The following INVS variants were observed in gnomAD, a reference collection of about 807,000 sequenced individuals.
INVS encodes the protein inversion of embryo turning homolog.
A neutral mutation model predicts 108.8 loss-of-function variants in INVS; 86 were observed. That is an observed-to-expected ratio of 0.79 (90% CI 0.66 to 0.95). INVS has a LOEUF of 0.95. Ranked by LOEUF, INVS falls within the 40% of genes least tolerant of loss-of-function variation. The probability of loss-of-function intolerance (pLI) is 0.00; values close to 1 mark genes in which losing one functional copy is unlikely to be tolerated. For missense variants in INVS, 1,169 were observed against 1,297.4 expected (o/e 0.90, Z 1.52); for synonymous variants, 455 against 473.5 (o/e 0.96, Z 0.51).
chr9:100,143,249 C>T (rs954687313), intron 3 of INVS, among the ~76,000 whole-genome samples: 11 of 152,054 alleles, frequency 7.2e-5, no homozygotes, highest in African/African-American at 1.9e-4. Flanking sequence ...TTTGGCACCA[C>T]GGGGTAGATA....
intron 3 of INVS, among the ~76,000 whole-genome samples, chr9:100,211,130 C>T (rs993274461): frequency 2.6e-5 from 4 of 151,828 alleles, no homozygotes; most frequent in African/African-American, 9.7e-5. Flanking sequence ...AGTTTGAGAA[C>T]TTCTTTTGCT....
chr9:100,187,975 G>A (rs1432350376), intron 3 of INVS, among the ~76,000 whole-genome samples: 1 of 152,164 alleles, frequency 6.6e-6, no homozygotes, highest in Non-Finnish European at 1.5e-5. Flanking sequence ...TTGATGCTCT[G>A]CATGGTCACT....
rs184039398 is a variant in INVS at position 100,120,538 on chromosome 9, T to G, written c.107-5845T>G. 6 of 159,642 alleles carry G rather than the reference T, an allele frequency of 3.8e-5. No individual in the cohort carries two copies. In the East Asian group the frequency reaches 9.6e-4, roughly 25 times the overall value. The allele number at this position is 159,642 out of a possible 1,614,324, so 9.9% of individuals were successfully genotyped here. A position where few individuals can be genotyped will look rare whatever the true frequency, so the allele number is the denominator to read the frequency against. On this transcript the variant is annotated intron_variant, in intron 2 of 16. Coordinates refer to ENST00000262457, the MANE Select transcript of INVS (RefSeq NM_014425.5). ...TCAATTCTTGATTCATTCTGAACCC[T>G]CTTAGGCCCAATATTTGTTAGCTTT...
chr9:100,289,793 C>T (rs1833556755), intron 13 of INVS, among the ~76,000 whole-genome samples: 1 of 152,186 alleles, frequency 6.6e-6, no homozygotes, highest in African/African-American at 2.4e-5. Context: ...TGGTTGCTTC[C>T]ATGTTTTGGC....
At chr9:100,195,494 T>TG (rs961289068) in intron 3 of INVS, among the ~76,000 whole-genome samples, 1 of 36,432 alleles carries the variant, frequency 2.7e-5, no homozygotes, top group African/African-American at 1.9e-4. Flanking sequence ...CATCAATTGA[T>TG]TTTTTTTTTT....
At chr9:100,100,918 GTATATATATAA>G (rs1826926953) in intron 1 of INVS, among the ~76,000 whole-genome samples, 2 of 13,164 alleles carry the variant, frequency 1.5e-4, no homozygotes, top group African/African-American at 1.4e-3. Context: ...TATATTATAT[GTATATATATAA>G]TATATATAAT....
Position 100,234,502 on chromosome 9 carries a change from A to G in INVS, c.615+4675A>G, listed in dbSNP as rs117207057. ...TTCCTACTTTGTCCTGTGGGCATTT[A>G]GTGCTGTAAATTTCCCTCTAACCAC... On this transcript the variant is annotated intron_variant, in intron 5 of 16. Coordinates refer to ENST00000262457, the MANE Select transcript of INVS (RefSeq NM_014425.5). Among the ~76,000 whole-genome samples the G allele has an allele frequency of 6.6e-5, 10 of 152,334 alleles. No individual in the cohort carries two copies. In the East Asian group the frequency reaches 1.9e-3, roughly 29 times the overall value.
chr9:100,101,232 T>C (rs1250162465), intron 1 of INVS: 1 of 150,610 alleles, frequency 6.6e-6, no homozygotes, highest in African/African-American at 2.5e-5. Context: ...TAGCACATAG[T>C]TGTCACTCAG....
chr9:100,162,783 T>C (rs1004939185), intron 3 of INVS, among the ~76,000 whole-genome samples: 14 of 151,330 alleles, frequency 9.3e-5, no homozygotes, highest in Admixed American at 5.9e-4. Context: ...GCCGAGATCA[T>C]GCCACTGCAC....
chr9:100,186,790 A>G (rs1218831690), intron 3 of INVS, among the ~76,000 whole-genome samples: 1 of 152,060 alleles, frequency 6.6e-6, no homozygotes, highest in Non-Finnish European at 1.5e-5. Flanking sequence ...GCTTAGAAAT[A>G]TGTTCTTCCA....
At chr9:100,279,470 C>T (rs1267419296) in intron 12 of INVS, among the ~76,000 whole-genome samples, 4 of 152,162 alleles carry the variant, frequency 2.6e-5, no homozygotes, top group Admixed American at 6.5e-5. Flanking sequence ...TGATCCCATT[C>T]GTTGTTAAGA....
At chr9:100,200,190 A>G (rs974677651) in intron 3 of INVS, among the ~76,000 whole-genome samples, 8 of 152,130 alleles carry the variant, frequency 5.3e-5, no homozygotes, top group African/African-American at 1.4e-4. Context: ...TTGTTTGGTA[A>G]TTATGACCAT....
intron 4 of INVS, among the ~76,000 whole-genome samples, chr9:100,227,944 G>T (rs1831382741): frequency 1.3e-5 from 2 of 151,078 alleles, no homozygotes; most frequent in Admixed American, 1.3e-4. Flanking sequence ...ACATAGTTTA[G>T]CAATGCCCTA....
chr9:100,207,449 A>G (rs1362375515), intron 3 of INVS, among the ~76,000 whole-genome samples: 1 of 151,964 alleles, frequency 6.6e-6, no homozygotes, highest in Admixed American at 6.6e-5. Flanking sequence ...GTGCACCACC[A>G]TGCCTGCTAA....
intron 3 of INVS, among the ~76,000 whole-genome samples, chr9:100,205,959 A>G (rs948577367): frequency 3.9e-5 from 6 of 152,166 alleles, no homozygotes; most frequent in Admixed American, 3.3e-4. Flanking sequence ...TTTTACAGGA[A>G]ACTAGATCTT....
intron 2 of INVS, among the ~76,000 whole-genome samples, chr9:100,110,721 G>A (rs1454756209): frequency 6.6e-6 from 1 of 152,144 alleles, no homozygotes; most frequent in Non-Finnish European, 1.5e-5. Context: ...TTTAAGTTGA[G>A]ACATAACAAT....
At chr9:100,241,706 A>G (rs945977989) in intron 6 of INVS, among the ~76,000 whole-genome samples, 6 of 152,204 alleles carry the variant, frequency 3.9e-5, no homozygotes, top group African/African-American at 1.4e-4. Context: ...TTAATCCCAC[A>G]TTTGTGTTAT....
intron 10 of INVS, among the ~76,000 whole-genome samples, chr9:100,261,796 C>G (rs1003641040): frequency 4.6e-5 from 7 of 152,132 alleles, no homozygotes; most frequent in Non-Finnish European, 1.0e-4. Flanking sequence ...TGAATTGGAA[C>G]CTTCAATACA....
chr9:100,128,774 A>G (rs1827960160), intron 3 of INVS, among the ~76,000 whole-genome samples: 3 of 152,368 alleles, frequency 2.0e-5, no homozygotes, highest in Middle Eastern at 3.4e-3. Context: ...GGAACAATCT[A>G]CTATGAATGA....
Sources: allele counts gnomAD v4.1 joint callset (sites outside exome capture counted in the v4.1 genomes callset), GRCh38; gene constraint gnomAD v4.1.1; transcripts MANE v1.5; gene names NCBI Gene and HGNC (gene_info 2026-07-23, HGNC 2026-07-21).